PDE1A: variants seen among roughly 807,000 people sequenced by gnomAD.
PDE1A encodes the protein phosphodiesterase 1A, also known as dual specificity calcium/calmodulin-dependent 3',5'-cyclic nucleotide phosphodiesterase 1A.
Under a neutral mutation model 61.7 loss-of-function variants are expected in PDE1A, and 35 were observed. The ratio of observed to expected loss-of-function variants is 0.57; its 90% CI spans 0.43 to 0.75. The LOEUF (loss-of-function observed/expected upper bound fraction) is 0.75. Ranked by LOEUF, PDE1A falls within the 30% of genes least tolerant of loss-of-function variation. PDE1A has a pLI of 0.00. For missense variants in PDE1A, 597 were observed against 630.6 expected (o/e 0.95, Z 0.57); for synonymous variants, 232 against 213.2 (o/e 1.09, Z -0.77).
At chr2:182,527,326 AAATATATATATATATATATATAT>A (rs1690791283), upstream of PDE1A, among the ~76,000 whole-genome samples, 4 of 21,722 alleles carry the variant, frequency 1.8e-4, no homozygotes, top group South Asian at 7.4e-3. Flanking sequence ...AAAAAAAAAA[AAATATATATATATATATATATAT>A]ATATATATAT....
chr2:182,560,004 G>A, the PDE1A span, among the ~76,000 whole-genome samples: 2 of 151,802 alleles, frequency 1.3e-5, no homozygotes, highest in African/African-American at 4.8e-5. Flanking sequence ...TGTGGGGGAA[G>A]AGAAGCATTA....
chr2:182,214,375 G>A (rs1298592426), intron 7 of PDE1A, among the ~76,000 whole-genome samples: 4 of 151,208 alleles, frequency 2.6e-5, no homozygotes, highest in African/African-American at 9.8e-5. Context: ...AAAATAACCA[G>A]CCAACATCAT....
the PDE1A span, among the ~76,000 whole-genome samples, chr2:182,608,455 TG>T: frequency 1.3e-5 from 2 of 152,126 alleles, no homozygotes; most frequent in African/African-American, 4.8e-5. Context: ...CGAGGAGATG[TG>T]GAGGGAGAGG....
chr2:182,664,859 A>C, the PDE1A span, among the ~76,000 whole-genome samples: 3 of 152,336 alleles, frequency 2.0e-5, no homozygotes, highest in African/African-American at 7.2e-5. Flanking sequence ...GAGATACGTA[A>C]GTCAAATAAT....
chr2:182,205,584 T>A (rs567159312), intron 8 of PDE1A, among the ~76,000 whole-genome samples: 85 of 152,264 alleles, frequency 5.6e-4, no homozygotes, highest in African/African-American at 2.0e-3. Flanking sequence ...TATGAAAGAA[T>A]GAATATAATG....
the PDE1A span, among the ~76,000 whole-genome samples, chr2:182,695,704 GAAAAA>G: frequency 7.3e-6 from 1 of 136,550 alleles, no homozygotes; most frequent in African/African-American, 2.8e-5. Context: ...AAAAGAAAAA[GAAAAA>G]AAAAGAAAAG....
At chr2:182,694,778 T>C in the PDE1A span, among the ~76,000 whole-genome samples, 10 of 135,382 alleles carry the variant, frequency 7.4e-5, no homozygotes, top group Middle Eastern at 0.026. Context: ...AGAGCTCCAG[T>C]GGAAGAATTG....
At chr2:182,434,326 C>T (rs932601096) in intron 2 of PDE1A, among the ~76,000 whole-genome samples, 3 of 151,992 alleles carry the variant, frequency 2.0e-5, no homozygotes, top group Non-Finnish European at 2.9e-5. Context: ...TTTACATAAA[C>T]GAGAGCAAAT....
intron 2 of PDE1A, among the ~76,000 whole-genome samples, chr2:182,516,827 AAGGAAGGGAGGG>A (rs1357038904): frequency 1.0e-4 from 6 of 60,002 alleles, no homozygotes; most frequent in African/African-American, 2.4e-4. Context: ...GAAGGGAAGG[AAGGAAGGGAGGG>A]AGGGAGGGAG....
At chr2:182,691,253 C>G in the PDE1A span, among the ~76,000 whole-genome samples, 764 of 152,078 alleles carry the variant, frequency 5.0e-3, 12 homozygotes, top group African/African-American at 0.018. Context: ...CAAAGCTGGA[C>G]GCATCACACT....
At chr2:182,592,021 T>C in the PDE1A span, among the ~76,000 whole-genome samples, 2 of 152,198 alleles carry the variant, frequency 1.3e-5, no homozygotes, top group Non-Finnish European at 2.9e-5. Context: ...AACTAACTGC[T>C]TGTGGTGGGT....
the PDE1A span, among the ~76,000 whole-genome samples, chr2:182,605,343 T>C: frequency 6.6e-6 from 1 of 152,116 alleles, no homozygotes; most frequent in Admixed American, 6.6e-5. Flanking sequence ...AGTAGTGGCA[T>C]ATGAGATGTA....
At chr2:182,210,700 G>C (rs1687510755) in intron 7 of PDE1A, among the ~76,000 whole-genome samples, 1 of 151,880 alleles carries the variant, frequency 6.6e-6, no homozygotes, top group Non-Finnish European at 1.5e-5. Flanking sequence ...TTGTGCCTTT[G>C]ATATTATATT....
At chr2:182,255,835 T>C (rs1250058076) in intron 2 of PDE1A, among the ~76,000 whole-genome samples, 1 of 151,638 alleles carries the variant, frequency 6.6e-6, no homozygotes, top group Non-Finnish European at 1.5e-5. Context: ...TTTTTGTATT[T>C]TTAGTAGAGA....
chr2:182,626,826 CATATATATAT>C, the PDE1A span, among the ~76,000 whole-genome samples: 1 of 10,972 alleles, frequency 9.1e-5, no homozygotes, highest in Non-Finnish European at 1.8e-4. Flanking sequence ...TATATATATA[CATATATATAT>C]ACATATATAT....
intron 1 of PDE1A, among the ~76,000 whole-genome samples, chr2:182,312,107 AT>A (rs1458213119): frequency 2.0e-5 from 3 of 151,550 alleles, no homozygotes; most frequent in Admixed American, 6.6e-5. Context: ...TGTCTTTTAA[AT>A]TTTTTTCCCA....
At chr2:182,607,171 G>A in the PDE1A span, among the ~76,000 whole-genome samples, 1 of 152,208 alleles carries the variant, frequency 6.6e-6, no homozygotes, top group Non-Finnish European at 1.5e-5. Flanking sequence ...CAGATGTGGT[G>A]ATCTGGTAAG....
chr2:182,420,443 A>G (rs146949013), intron 1 of PDE1A, among the ~76,000 whole-genome samples: 230 of 152,212 alleles, frequency 1.5e-3, no homozygotes, highest in African/African-American at 5.2e-3. Flanking sequence ...ATACAGCCCT[A>G]CTGTTTTTCA....
chr2:182,643,253 G>A, the PDE1A span, among the ~76,000 whole-genome samples: 1 of 152,184 alleles, frequency 6.6e-6, no homozygotes, highest in African/African-American at 2.4e-5. Context: ...CCTCCTTTGA[G>A]GCAGAGTATA....
Sources: gnomAD v4.1 joint callset for allele counts (sites outside exome capture counted in the v4.1 genomes callset) on GRCh38, gnomAD v4.1.1 for gene constraint, MANE v1.5 for transcripts, NCBI Gene and HGNC (gene_info 2026-07-23, HGNC 2026-07-21) for gene names.